The following BLTP1 variants were observed in gnomAD, a reference collection of about 807,000 sequenced individuals.
BLTP1 encodes the protein bridge-like lipid transfer protein family member 1, also known as fragile site-associated protein.
At chr4:122,337,410 A>T in the BLTP1 span, among the ~76,000 whole-genome samples, 1,124 of 152,186 alleles carry the variant, frequency 7.4e-3, 25 homozygotes, top group African/African-American at 0.026. Flanking sequence ...TGAATATCTC[A>T]TGTAATTTAT....
the BLTP1 span, chr4:122,246,195 C>T: frequency 6.2e-7 from 1 of 1,607,446 alleles, no homozygotes; most frequent in Non-Finnish European, 8.5e-7. Flanking sequence ...ACTGAGCAGT[C>T]TACAATAGGA....
At chr4:122,209,236 T>C in the BLTP1 span, 2 of 1,613,404 alleles carry the variant, frequency 1.2e-6, no homozygotes, top group Non-Finnish European at 8.5e-7. Context: ...TGGTAAAAAA[T>C]TGCCATCCAA....
At chr4:122,255,053 C>T in the BLTP1 span, 6 of 1,506,444 alleles carry the variant, frequency 4.0e-6, no homozygotes, top group Non-Finnish European at 3.6e-6. Flanking sequence ...TTTACAAGTT[C>T]TTAATTACTG....
chr4:122,354,924 C>T, the BLTP1 span, among the ~76,000 whole-genome samples: 1 of 152,054 alleles, frequency 6.6e-6, no homozygotes, highest in Non-Finnish European at 1.5e-5. Context: ...CTCAGCCTCC[C>T]AAAGTGCTGG....
the BLTP1 span, chr4:122,261,729 CAT>C: frequency 3.5e-3 from 3,419 of 981,798 alleles, 11 homozygotes; most frequent in Admixed American, 5.6e-3. Flanking sequence ...GACTTTTCTT[CAT>C]CCTTTAGGAC....
At chr4:122,303,740 C>T in the BLTP1 span, among the ~76,000 whole-genome samples, 4 of 152,146 alleles carry the variant, frequency 2.6e-5, no homozygotes, top group South Asian at 8.3e-4. Flanking sequence ...AAATGTGGAG[C>T]GTGAAGATGG....
chr4:122,152,936 G>C, the BLTP1 span: 2 of 948,470 alleles, frequency 2.1e-6, no homozygotes, highest in Non-Finnish European at 2.5e-6. Flanking sequence ...AGCTGCACTG[G>C]GTTGTAGTAG....
At chr4:122,198,144 G>A in the BLTP1 span, 4 of 984,030 alleles carry the variant, frequency 4.1e-6, no homozygotes, top group African/African-American at 3.5e-5. Context: ...TAAAGTGGTA[G>A]CATTCAGGCC....
chr4:122,337,201 G>A, the BLTP1 span: 1 of 585,264 alleles, frequency 1.7e-6, no homozygotes, highest in African/African-American at 1.9e-5. Context: ...AAAATTTTAT[G>A]TATATACAGA....
At chr4:122,200,772 TTTG>T in the BLTP1 span, 1 of 912,730 alleles carries the variant, frequency 1.1e-6, no homozygotes, top group Non-Finnish European at 1.3e-6. Flanking sequence ...TGTAGCCTGA[TTTG>T]TTGTTCTGAA....
the BLTP1 span, chr4:122,210,024 T>C: frequency 1.4e-6 from 2 of 1,451,436 alleles, no homozygotes; most frequent in South Asian, 2.7e-5. Context: ...TCTATTCTTG[T>C]GACATAGTAT....
chr4:122,346,911 C>G, the BLTP1 span: 1 of 1,362,614 alleles, frequency 7.3e-7, no homozygotes. Context: ...ATGCCAACCA[C>G]AAGGGATATA....
chr4:122,302,739 G>C, the BLTP1 span, among the ~76,000 whole-genome samples: 1 of 152,322 alleles, frequency 6.6e-6, no homozygotes, highest in Non-Finnish European at 1.5e-5. Context: ...AGTGAACACA[G>C]GAATGATAAG....
the BLTP1 span, chr4:122,220,328 T>G: frequency 1.2e-6 from 2 of 1,612,552 alleles, no homozygotes; most frequent in Admixed American, 3.3e-5. Flanking sequence ...TTCATTTGAC[T>G]GTAGCATGGA....
the BLTP1 span, chr4:122,288,994 A>G: frequency 4.5e-6 from 6 of 1,321,310 alleles, no homozygotes; most frequent in Non-Finnish European, 5.1e-6. Flanking sequence ...AGAGATAATT[A>G]TCTCTTTTTT....
chr4:122,175,978 A>T, the BLTP1 span: 1 of 868,072 alleles, frequency 1.2e-6, no homozygotes, highest in Non-Finnish European at 1.9e-6. Context: ...TATGAAAACT[A>T]ATTAAAATTA....
the BLTP1 span, chr4:122,305,936 A>G: frequency 1.1e-5 from 17 of 1,611,678 alleles, no homozygotes; most frequent in African/African-American, 2.1e-4. Flanking sequence ...CCAGAATTGG[A>G]TTAAGAAATG....
the BLTP1 span, chr4:122,194,468 T>G: frequency 1.3e-6 from 1 of 770,754 alleles, no homozygotes; most frequent in Non-Finnish European, 1.6e-6. Context: ...AATTTTCCTA[T>G]AAGTCATGCT....
At chr4:122,311,742 A>G in the BLTP1 span, among the ~76,000 whole-genome samples, 1 of 152,210 alleles carries the variant, frequency 6.6e-6, no homozygotes, top group Non-Finnish European at 1.5e-5. Flanking sequence ...ATGAATGTGT[A>G]TTCAGACAAA....
Sources: gnomAD v4.1 joint callset for allele counts (sites outside exome capture counted in the v4.1 genomes callset) on GRCh38, gnomAD v4.1.1 for gene constraint, MANE v1.5 for transcripts, NCBI Gene and HGNC (gene_info 2026-07-23, HGNC 2026-07-21) for gene names.